The following YWHAQ variants were observed in gnomAD, a reference collection of about 807,000 sequenced individuals.
YWHAQ encodes 14-3-3 protein theta.
YWHAQ carries 6 observed loss-of-function variants against 28.3 expected under a neutral mutation model. That is an observed-to-expected ratio of 0.21 (90% CI 0.12 to 0.42). The LOEUF (loss-of-function observed/expected upper bound fraction) is 0.42. Ranked by LOEUF, YWHAQ falls within the 10% of genes least tolerant of loss-of-function variation. The probability of loss-of-function intolerance (pLI) is 1.00; values close to 1 mark genes in which losing one functional copy is unlikely to be tolerated. For synonymous variants in YWHAQ, 143 were observed against 119.1 expected (o/e 1.20, Z -1.31); for missense variants, 201 against 305.6 (o/e 0.66, Z 2.55).
intron 2 of YWHAQ, among the ~76,000 whole-genome samples, chr2:9,625,275 AC>A (rs1667228651): frequency 6.6e-6 from 1 of 150,652 alleles, no homozygotes; most frequent in Non-Finnish European, 1.5e-5. Flanking sequence ...AAAAAAAAAA[AC>A]CCAAACCCCC....
At chr2:9,601,069 T>A (rs1666683480) in intron 2 of YWHAQ, among the ~76,000 whole-genome samples, 1 of 152,262 alleles carries the variant, frequency 6.6e-6, no homozygotes, top group African/African-American at 2.4e-5. Flanking sequence ...TGTGGTGGTC[T>A]ACAACCAAAT....
At chr2:9,597,778 T>C (rs1188083923) in intron 2 of YWHAQ, among the ~76,000 whole-genome samples, 1 of 150,850 alleles carries the variant, frequency 6.6e-6, no homozygotes, top group Non-Finnish European at 1.5e-5. Context: ...TTTTCAGAGA[T>C]AGAAGCAAAC....
At position 9,587,508 on chromosome 2, in the gene YWHAQ, G is replaced by C; in HGVS notation, c.584C>G (p.Ala195Gly). The C allele has an allele frequency of 6.3e-7, 1 of 1,593,068 alleles. No individual in the cohort carries two copies. The highest frequency in any genetic ancestry group is 8.6e-7 in the Non-Finnish European group (1 of 1,168,486). Reference sequence around the variant, plus strand: ...AAGTTCAGCAATGGCCTCATCAAAAGCCTGATAAATATTAATATCCATGGT... The same window carrying C: ...AAGTTCAGCAATGGCCTCATCAAAACCCTGATAAATATTAATATCCATGGT... Reference protein sequence around the residue: ...PELACTLAKTAFDEAIAELDT... With the variant: ...PELACTLAKTGFDEAIAELDT... The change falls in exon 5 of 6, where the codon GCT (alanine) becomes GGT (glycine). Residue 195 changes from alanine (A) to glycine (G), a missense_variant and splice_region_variant. Transcript: ENST00000238081.
chr2:9,591,011 C>T (rs1404840855), intron 3 of YWHAQ, among the ~76,000 whole-genome samples: 2 of 152,168 alleles, frequency 1.3e-5, no homozygotes, highest in Admixed American at 6.6e-5. Context: ...TATGTAATTT[C>T]CAGTGATCTG....
At chr2:9,627,938 G>T (rs1287369333) in intron 2 of YWHAQ, among the ~76,000 whole-genome samples, 1 of 152,182 alleles carries the variant, frequency 6.6e-6, no homozygotes, top group Non-Finnish European at 1.5e-5. Flanking sequence ...CTTTTCAAAG[G>T]TTTCTATTTC....
rs1325633101 is a variant in YWHAQ, at chr2:9,628,412, C to T, written c.294+1747G>A. 4.6e-5 allele frequency among the ~76,000 whole-genome samples: 7 copies of T among 152,298 alleles called. No homozygotes were observed. In the South Asian group the frequency reaches 1.0e-3, roughly 23 times the overall value. ...CTAAGCAAAACTCTTCCCCGACTTA[C>T]GCCATCATAAAAAGCAGAATTTATA... is the stretch of plus-strand genomic sequence containing the variant. On this transcript the variant is annotated intron_variant, in intron 2 of 5. Transcript: ENST00000238081.
At chr2:9,618,020 A>C (rs1370458765) in intron 2 of YWHAQ, among the ~76,000 whole-genome samples, 3 of 152,166 alleles carry the variant, frequency 2.0e-5, no homozygotes, top group African/African-American at 4.8e-5. Flanking sequence ...AACACTACAT[A>C]TTATATGATT....
At chr2:9,593,778 T>C (rs888725762) in intron 2 of YWHAQ, among the ~76,000 whole-genome samples, 9 of 151,642 alleles carry the variant, frequency 5.9e-5, no homozygotes, top group African/African-American at 1.7e-4. Flanking sequence ...CAGTGAGCCA[T>C]GATCGTGCCA....
chr2:9,585,410 G>A, intron 5 of YWHAQ, 65 bp from the exon 6 acceptor site: 2 of 1,552,184 alleles, frequency 1.3e-6, no homozygotes, highest in South Asian at 1.1e-5. Flanking sequence ...AAGTAGTATT[G>A]TTATATCAAA....
intron 2 of YWHAQ, among the ~76,000 whole-genome samples, chr2:9,605,866 G>C (rs1227897323): frequency 6.6e-6 from 1 of 152,020 alleles, no homozygotes; most frequent in South Asian, 2.1e-4. Context: ...CCAGCCTCTT[G>C]TACATTCTTT....
chr2:9,591,294 CA>C lies in YWHAQ; in HGVS notation c.418+97del. On this transcript the variant is annotated intron_variant, in intron 3 of 5. Coordinates refer to ENST00000238081, the MANE Select transcript of YWHAQ (RefSeq NM_006826.4). ...TGACATACATTCAATTATTAAGTCA[CA>C]AAGAGCCTGAAGACTACGTATACTG... 7.3e-6 allele frequency: 10 copies of C among 1,375,772 alleles called. No individual in the cohort carries two copies. The South Asian group carries it at 1.2e-4, about 17-fold the overall frequency. 85.2% of individuals were successfully genotyped at this position (1,375,772 alleles called of 1,614,324 possible). A position where few individuals can be genotyped will look rare whatever the true frequency, so the allele number is the denominator to read the frequency against.
intron 2 of YWHAQ, among the ~76,000 whole-genome samples, chr2:9,606,566 G>C (rs1017160801): frequency 6.6e-6 from 1 of 152,152 alleles, no homozygotes; most frequent in African/African-American, 2.4e-5. Context: ...GTCTCGCTCT[G>C]TTGCCCAGCC....
chr2:9,625,432 C>T (rs768243849), intron 2 of YWHAQ, among the ~76,000 whole-genome samples: 3 of 152,132 alleles, frequency 2.0e-5, no homozygotes, highest in Non-Finnish European at 4.4e-5. Context: ...GTCTACCTTC[C>T]TCGTTAGAAG....
chr2:9,595,648 G>A lies in YWHAQ; in HGVS notation c.295-4133C>T, dbSNP rs115534567. 6.3e-3 allele frequency among the ~76,000 whole-genome samples: 917 copies of A among 146,614 alleles called. 2 individuals are homozygous for A. The highest frequency in any genetic ancestry group is 0.015 in the African/African-American group (585 of 39,400). ...GAACCCAGGAGGCAGAAGTTCCAGT[G>A]AGCTGAGATATTGCACTCCAGCCTG... On this transcript the variant is annotated intron_variant, in intron 2 of 5. Coordinates refer to ENST00000238081, the MANE Select transcript of YWHAQ (RefSeq NM_006826.4).
intron 2 of YWHAQ, among the ~76,000 whole-genome samples, chr2:9,600,709 AAAAAAG>A (rs569699882): frequency 3.6e-4 from 55 of 151,984 alleles, no homozygotes; most frequent in African/African-American, 1.3e-3. Context: ...CTGTCTCAAA[AAAAAAG>A]AAAAAAGAAA....
At chr2:9,613,577 TC>T (rs1349917444) in intron 2 of YWHAQ, among the ~76,000 whole-genome samples, 1 of 152,154 alleles carries the variant, frequency 6.6e-6, no homozygotes, top group Non-Finnish European at 1.5e-5. Flanking sequence ...ATGAAGAGAA[TC>T]CAAGACTCTA....
intron 2 of YWHAQ, among the ~76,000 whole-genome samples, chr2:9,621,071 A>T (rs1325306984): frequency 2.0e-5 from 3 of 152,178 alleles, no homozygotes; most frequent in Non-Finnish European, 4.4e-5. Flanking sequence ...TTTTCTCACA[A>T]GTGGAGTTTT....
chr2:9,595,065 T>C (rs980811789), intron 2 of YWHAQ, among the ~76,000 whole-genome samples: 25 of 152,218 alleles, frequency 1.6e-4, no homozygotes, highest in Non-Finnish European at 4.4e-5. Context: ...ACAAAGTGAC[T>C]TGGGCATTAC....
rs1430824913 is a variant in YWHAQ, at chr2:9,591,399, A to G, written c.411T>C (p.Asp137=). The change falls in exon 3 of 6, where the codon GAT becomes GAC. Residue 137 remains aspartate (D), a synonymous_variant. Transcript: ENST00000238081. ...RYLAEVACGD[D]RKQTIDNSQG... ...TATAACAAATAAACTTACGTTTTCG[A>G]TCATCACCACACGCAACTTCAGCAA... The G allele has an allele frequency of 6.2e-7, 1 of 1,610,112 alleles. No individual in the cohort carries two copies. The highest frequency in any genetic ancestry group is 1.3e-5 in the African/African-American group (1 of 74,876).
Sources: gnomAD v4.1 joint callset for allele counts (sites outside exome capture counted in the v4.1 genomes callset) on GRCh38, gnomAD v4.1.1 for gene constraint, MANE v1.5 for transcripts, NCBI Gene and HGNC (gene_info 2026-07-23, HGNC 2026-07-21) for gene names.